NSUN3: variants seen among roughly 807,000 people sequenced by gnomAD.
The protein encoded by NSUN3 is tRNA (cytosine(34)-C(5))-methyltransferase, mitochondrial.
In NSUN3, 24 loss-of-function variants were observed where a neutral mutation model predicts 36.8. The ratio of observed to expected loss-of-function variants is 0.65; its 90% CI spans 0.47 to 0.92. NSUN3 has a LOEUF of 0.92. NSUN3 is among the 40% of genes least tolerant of loss of function. NSUN3 has a pLI of 0.00. For synonymous variants in NSUN3, 146 were observed against 145.2 expected (o/e 1.01, Z -0.04); for missense variants, 381 against 392.8 (o/e 0.97, Z 0.25).
rs977129662 is a variant in NSUN3 at position 94,127,045 on chromosome 3, T to C, written c.*555T>C. On this transcript the variant is annotated 3_prime_UTR_variant, in exon 6 of 6. Transcript: ENST00000314622. ...TTGTTTTCTGTTAAAGACTATATTA[T>C]GTTTACTGCAAAGGTCAGTGACTCT... 2 of 152,480 alleles carry C rather than the reference T, an allele frequency of 1.3e-5. No homozygotes were observed. Among genetic ancestry groups the C allele is most frequent in the Non-Finnish European group, 2.9e-5 (2 of 68,258 alleles). 9.4% of individuals were successfully genotyped at this position (152,480 alleles called of 1,614,324 possible).
chr3:94,116,243 G>C (rs539805319), intron 5 of NSUN3, among the ~76,000 whole-genome samples: 1 of 152,082 alleles, frequency 6.6e-6, no homozygotes, highest in Non-Finnish European at 1.5e-5. Flanking sequence ...TTCTTAAAAG[G>C]CTTTTGAGGC....
intron 5 of NSUN3, among the ~76,000 whole-genome samples, chr3:94,102,005 A>G (rs1034797380): frequency 1.3e-5 from 2 of 152,084 alleles, no homozygotes; most frequent in African/African-American, 4.8e-5. Context: ...CTAGGAGAAA[A>G]TGAATCACAT....
intron 2 of NSUN3, among the ~76,000 whole-genome samples, chr3:94,083,873 A>T (rs1221906766): frequency 6.6e-6 from 1 of 152,168 alleles, no homozygotes; most frequent in Admixed American, 6.5e-5. Flanking sequence ...TTGAAAAGCC[A>T]CAGTGAACGA....
At chr3:94,095,279 C>T (rs1412210751) in intron 5 of NSUN3, 125 bp downstream of exon 5, 1 of 931,976 alleles carries the variant, frequency 1.1e-6, no homozygotes, top group Non-Finnish European at 1.6e-6. Flanking sequence ...CCTCCAAAGG[C>T]TACACTCAAA....
At chr3:94,063,278 A>G (rs2077189079) in intron 1 of NSUN3, 140 bp downstream of exon 1, 4 of 879,588 alleles carry the variant, frequency 4.5e-6, no homozygotes, top group Admixed American at 3.5e-5. Flanking sequence ...CTTTGGCTTT[A>G]CTGTCAAGCC....
chr3:94,076,290 A>G (rs2077245429), intron 2 of NSUN3: 2 of 884,154 alleles, frequency 2.3e-6, no homozygotes, highest in Non-Finnish European at 3.9e-6. Context: ...CCACAAGGCA[A>G]CAGTCTTGTC....
intron 5 of NSUN3, among the ~76,000 whole-genome samples, chr3:94,122,974 A>T (rs991327781): frequency 6.6e-6 from 1 of 152,232 alleles, no homozygotes; most frequent in African/African-American, 2.4e-5. Context: ...ATATGTTAGA[A>T]TTAAAATTCC....
intron 5 of NSUN3, among the ~76,000 whole-genome samples, chr3:94,102,873 A>T (rs749428056): frequency 2.6e-5 from 4 of 151,948 alleles, no homozygotes; most frequent in Non-Finnish European, 5.9e-5. Context: ...TCTACTTTTT[A>T]AAATTTATTT....
intron 3 of NSUN3, among the ~76,000 whole-genome samples, chr3:94,087,062 C>T (rs941796046): frequency 6.6e-6 from 1 of 152,296 alleles, no homozygotes; most frequent in African/African-American, 2.4e-5. Context: ...CTGATATATT[C>T]TAGCAGTTTG....
intron 2 of NSUN3, among the ~76,000 whole-genome samples, chr3:94,065,432 C>A (rs2077200438): frequency 6.6e-6 from 1 of 152,066 alleles, no homozygotes; most frequent in Non-Finnish European, 1.5e-5. Context: ...GAAGTTAGGG[C>A]AAAAGCCCAC....
At chr3:94,072,391 A>AGCT (rs1447973972) in intron 2 of NSUN3, among the ~76,000 whole-genome samples, 1 of 152,248 alleles carries the variant, frequency 6.6e-6, no homozygotes, top group Non-Finnish European at 1.5e-5. Flanking sequence ...TAGGAGTAAG[A>AGCT]GCTGCCTCTC....
intron 4 of NSUN3, 112 bp downstream of exon 4, chr3:94,094,406 C>T: frequency 9.4e-7 from 1 of 1,066,488 alleles, no homozygotes; most frequent in South Asian, 1.8e-5. Flanking sequence ...TACAGTTTCT[C>T]AGTACCCTGG....
chr3:94,124,984 T>C (rs2077479544), intron 5 of NSUN3, among the ~76,000 whole-genome samples: 1 of 152,232 alleles, frequency 6.6e-6, no homozygotes, highest in South Asian at 2.1e-4. Context: ...TTTCAGTCAG[T>C]CTGTTACTGT....
chr3:94,118,768 TTTC>T (rs1159287435), intron 5 of NSUN3, among the ~76,000 whole-genome samples: 4 of 152,196 alleles, frequency 2.6e-5, no homozygotes, highest in African/African-American at 9.6e-5. Flanking sequence ...TGTCTTTTTT[TTTC>T]TTCTTCGTTC....
chr3:94,088,670 C>CTTTTTT (rs747748539), intron 3 of NSUN3, among the ~76,000 whole-genome samples: 1 of 132,458 alleles, frequency 7.5e-6, no homozygotes. Context: ...GGGACAGATC[C>CTTTTTT]TTTTTTTTTT....
At chr3:94,105,638 G>A (rs999363308) in intron 5 of NSUN3, among the ~76,000 whole-genome samples, 8 of 151,980 alleles carry the variant, frequency 5.3e-5, no homozygotes, top group Admixed American at 5.2e-4. Flanking sequence ...GGGATGAACC[G>A]GAGACCCCCT....
At chr3:94,108,767 T>G (rs561901624) in intron 5 of NSUN3, among the ~76,000 whole-genome samples, 112 of 151,000 alleles carry the variant, frequency 7.4e-4, no homozygotes, top group African/African-American at 2.7e-3. Flanking sequence ...CCGGGTTCCA[T>G]CAATTCTCCT....
chr3:94,124,272 C>T (rs970925798), intron 5 of NSUN3, among the ~76,000 whole-genome samples: 3 of 148,742 alleles, frequency 2.0e-5, no homozygotes, highest in East Asian at 2.0e-4. Context: ...CCTACCTCAT[C>T]GTCCCAAGTA....
At position 94,112,659 on chromosome 3, in the gene NSUN3, C is replaced by T. The variant is rs528649034; in HGVS notation, c.744-13552C>T. Among the ~76,000 whole-genome samples the T allele has an allele frequency of 2.9e-4, 44 of 152,280 alleles. No individual in the cohort carries two copies. The South Asian group carries it at 9.1e-3, about 32-fold the overall frequency. ...GGAGTCAAAGCATAATTCAACATTA[C>T]TTCCACTCACATCTCATGGATCAGA... On this transcript the variant is annotated intron_variant, in intron 5 of 5. Transcript: ENST00000314622.
Sources: gnomAD v4.1 joint callset for allele counts (sites outside exome capture counted in the v4.1 genomes callset) on GRCh38, gnomAD v4.1.1 for gene constraint, MANE v1.5 for transcripts, NCBI Gene and HGNC (gene_info 2026-07-23, HGNC 2026-07-21) for gene names.